Variants in MGAT4C observed in about 807,000 individuals in gnomAD.
MGAT4C encodes the protein alpha-1,3-mannosyl-glycoprotein 4-beta-N-acetylglucosaminyltransferase C.
A neutral mutation model predicts 40.1 loss-of-function variants in MGAT4C; 19 were observed. That is an observed-to-expected ratio of 0.47 (90% confidence interval 0.33 to 0.70). The LOEUF is 0.70. Ranked by LOEUF, MGAT4C falls within the 30% of genes least tolerant of loss-of-function variation. The probability of loss-of-function intolerance (pLI) is 0.02; values close to 1 mark genes in which losing one functional copy is unlikely to be tolerated. For missense variants in MGAT4C, 491 were observed against 563.2 expected, an observed-to-expected ratio of 0.87 and a Z score of 1.30; for synonymous variants, 181 against 187.1, an observed-to-expected ratio of 0.97 and a Z score of 0.27.
At chr12:86,534,371 C>T (rs778658024) in intron 2 of MGAT4C, among the ~76,000 whole-genome samples, 12 of 152,016 alleles carry the variant, frequency 7.9e-5, no homozygotes, top group Non-Finnish European at 1.3e-4. Context: ...AGTTGTCCTG[C>T]CTTTCTGAAC....
chr12:86,621,734 T>TC (rs1200613189), intron 2 of MGAT4C, among the ~76,000 whole-genome samples: 2 of 152,158 alleles, frequency 1.3e-5, no homozygotes, highest in Admixed American at 1.3e-4. Flanking sequence ...TACCTCAGTC[T>TC]CCAAAAATAT....
At chr12:86,198,593 G>A (rs1236484750) in intron 1 of MGAT4C, among the ~76,000 whole-genome samples, 1 of 152,066 alleles carries the variant, frequency 6.6e-6, no homozygotes, top group Non-Finnish European at 1.5e-5. Context: ...AAGTCAGTTT[G>A]AGTAGTTGTT....
In MGAT4C at chr12:86,476,766, T is replaced by C. The variant is rs188545798; in HGVS notation, c.-228-41501A>G. Among the ~76,000 whole-genome samples, 5 of 152,264 alleles carry C rather than the reference T, an allele frequency of 3.3e-5. No individual in the cohort carries two copies. In the East Asian group the frequency reaches 7.7e-4, roughly 23 times the overall value. ...ACAGCCATAAAAAGGAAAAAAATTATGTCATTTGCAGCAACATGGATGGAA... is the reference window on the plus strand; with the variant it reads ...ACAGCCATAAAAAGGAAAAAAATTACGTCATTTGCAGCAACATGGATGGAA... On this transcript the variant is annotated intron_variant, in intron 2 of 7. Transcript: ENST00000548651.
chr12:86,482,820 T>C (rs546892595), intron 2 of MGAT4C, among the ~76,000 whole-genome samples: 2 of 152,338 alleles, frequency 1.3e-5, no homozygotes, highest in African/African-American at 4.8e-5. Context: ...GAATTTACAA[T>C]TTCATATTTA....
intron 2 of MGAT4C, among the ~76,000 whole-genome samples, chr12:85,994,440 A>AG (rs1412001322): frequency 6.6e-6 from 1 of 152,216 alleles, no homozygotes; most frequent in Non-Finnish European, 1.5e-5. Flanking sequence ...AGCCCAAACC[A>AG]GAGCAAACAA....
chr12:86,128,033 T>G (rs1880569511), intron 1 of MGAT4C, among the ~76,000 whole-genome samples: 1 of 152,246 alleles, frequency 6.6e-6, no homozygotes, highest in Admixed American at 6.5e-5. Context: ...TCAAGTATTC[T>G]GCACTGTACA....
At chr12:86,589,557 G>T (rs1165784542) in intron 2 of MGAT4C, among the ~76,000 whole-genome samples, 2 of 151,864 alleles carry the variant, frequency 1.3e-5, no homozygotes, top group Admixed American at 1.3e-4. Flanking sequence ...ATTTTATGAG[G>T]CCAGCATCAT....
chr12:86,470,950 C>T lies in MGAT4C; in HGVS notation c.-228-35685G>A, dbSNP rs113400483. 3.2e-3 allele frequency among the ~76,000 whole-genome samples: 490 copies of T among 152,064 alleles called. 1 individual carries two copies. Among genetic ancestry groups the T allele is most frequent in the African/African-American group, 0.011 (473 of 41,492 alleles). The stretch of plus-strand genomic sequence containing the variant: ...CTTCTTATCAGACATTTATGACAGC[C>T]AGAAGACCATGGAACAGCATCTCAA... On this transcript the variant is annotated intron_variant, in intron 2 of 7. Transcript: ENST00000548651.
intron 4 of MGAT4C, among the ~76,000 whole-genome samples, chr12:86,295,295 C>T (rs1332772966): frequency 6.6e-6 from 1 of 152,066 alleles, no homozygotes; most frequent in African/African-American, 2.4e-5. Context: ...TTATTTTGCA[C>T]TATTTGATAA....
At chr12:86,615,983 A>C (rs1174252466) in intron 2 of MGAT4C, among the ~76,000 whole-genome samples, 1 of 152,116 alleles carries the variant, frequency 6.6e-6, no homozygotes, top group African/African-American at 2.4e-5. Flanking sequence ...TCTTTTAAGC[A>C]AGGCTCCAGT....
At chr12:86,599,311 C>T (rs896391022) in intron 2 of MGAT4C, among the ~76,000 whole-genome samples, 2 of 152,040 alleles carry the variant, frequency 1.3e-5, no homozygotes, top group African/African-American at 2.4e-5. Flanking sequence ...AGATTAGATG[C>T]ATTAAAAATT....
chr12:86,292,933 A>C (rs1336748841), intron 4 of MGAT4C, among the ~76,000 whole-genome samples: 1 of 152,168 alleles, frequency 6.6e-6, no homozygotes, highest in East Asian at 1.9e-4. Context: ...TTGCTAAAAA[A>C]TTAATGAAAA....
intron 2 of MGAT4C, among the ~76,000 whole-genome samples, chr12:86,015,479 T>A (rs537299458): frequency 6.6e-6 from 1 of 152,252 alleles, no homozygotes; most frequent in South Asian, 2.1e-4. Context: ...AGGTCTGGCA[T>A]CCTTTGTGTA....
rs1312632352 is a variant in MGAT4C at position 85,978,675 on chromosome 12, C to CAAT, written c.*611_*613dup. ...CAATTAAATGTTTTTAAACAATGAA[C>CAAT]AATATCCCCTTTCATATAAATAATC... is the stretch of plus-strand genomic sequence containing the variant. On this transcript the variant is annotated 3_prime_UTR_variant, in exon 5 of 5. Transcript: ENST00000611864. 6.6e-6 allele frequency: 1 copy of CAAT among 151,314 alleles called. No individual in the cohort carries two copies. Among genetic ancestry groups the CAAT allele is most frequent in the Non-Finnish European group, 1.5e-5 (1 of 67,512 alleles). The allele number at this position is 151,314 out of a possible 1,614,324, so 9.4% of individuals were successfully genotyped here. A position where few individuals can be genotyped will look rare whatever the true frequency, so the allele number is the denominator to read the frequency against.
intron 2 of MGAT4C, among the ~76,000 whole-genome samples, chr12:86,587,127 G>C (rs1961083389): frequency 1.3e-5 from 2 of 151,942 alleles, no homozygotes; most frequent in African/African-American, 4.8e-5. Context: ...ATTGATTTTT[G>C]TATAAGGTGT....
At chr12:86,232,148 A>AG (rs1951349420) in intron 1 of MGAT4C, among the ~76,000 whole-genome samples, 1 of 143,178 alleles carries the variant, frequency 7.0e-6, no homozygotes, top group Admixed American at 6.9e-5. Context: ...AAAGAAAAAA[A>AG]AAAGGAGGGG....
intron 2 of MGAT4C, among the ~76,000 whole-genome samples, chr12:86,479,660 T>C (rs1204347543): frequency 1.8e-4 from 27 of 151,926 alleles, no homozygotes; most frequent in Non-Finnish European, 1.5e-5. Context: ...ATAAAAAATG[T>C]CTATAACAAC....
rs965896922 is a variant in MGAT4C at position 85,970,338 on chromosome 12, T to C, written c.*8951A>G. 2.0e-5 allele frequency: 3 copies of C among 151,394 alleles called. No homozygotes were observed. Among genetic ancestry groups the C allele is most frequent in the Admixed American group, 1.3e-4 (2 of 15,146 alleles). 9.4% of individuals were successfully genotyped at this position (151,394 alleles called of 1,614,324 possible). Reference sequence around the variant, plus strand: ...ATTAAGAAATGAATCAAATGGTAAATTTTGAATCATCTGGTAAAAATGGAC... The same window carrying C: ...ATTAAGAAATGAATCAAATGGTAAACTTTGAATCATCTGGTAAAAATGGAC... On this transcript the variant is annotated 3_prime_UTR_variant, in exon 5 of 5. Coordinates refer to ENST00000611864, the MANE Select transcript of MGAT4C (RefSeq NM_001351288.2).
chr12:86,186,626 G>C (rs1888784228), intron 1 of MGAT4C, among the ~76,000 whole-genome samples: 1 of 152,084 alleles, frequency 6.6e-6, no homozygotes, highest in Non-Finnish European at 1.5e-5. Context: ...AATCATGGGA[G>C]ATTCAATGCT....
Sources: gnomAD v4.1 joint callset for allele counts (sites outside exome capture counted in the v4.1 genomes callset) on GRCh38, gnomAD v4.1.1 for gene constraint, MANE v1.5 for transcripts, NCBI Gene and HGNC (gene_info 2026-07-23, HGNC 2026-07-21) for gene names.